Variants in LCORL observed in about 807,000 individuals in gnomAD.
LCORL encodes ligand dependent nuclear receptor corepressor like, also known as ligand-dependent nuclear receptor corepressor-like protein.
A neutral mutation model predicts 141.8 loss-of-function variants in LCORL; 41 were observed. The ratio of observed to expected loss-of-function variants is 0.29; its 90% confidence interval spans 0.23 to 0.38. The LOEUF (loss-of-function observed/expected upper bound fraction) is 0.38. Among genes scored for constraint, LCORL ranks in the 10% least tolerant of loss-of-function variants. The pLI is 1.00. For synonymous variants in LCORL, 618 were observed against 694.1 expected (o/e 0.89, Z 1.72); for missense variants, 1,759 against 2,035.0 (o/e 0.86, Z 2.61).
At position 17,977,000 on chromosome 4, in the gene LCORL, T is replaced by C. The variant is rs1322044884; in HGVS notation, c.155-4115A>G. ...TTTTGATTATTGAGCTCACTAAATC[T>C]GCAGAACTATTTTGATTTCTATGGC... On this transcript the variant is annotated intron_variant, in intron 1 of 7. Transcript: ENST00000635767. Among the ~76,000 whole-genome samples the C allele has an allele frequency of 2.0e-5, 3 of 152,212 alleles. No individual in the cohort carries two copies. The East Asian group carries it at 5.8e-4, about 29-fold the overall frequency.
intron 7 of LCORL, among the ~76,000 whole-genome samples, chr4:17,852,283 GA>G (rs1723828787): frequency 6.6e-6 from 1 of 152,062 alleles, no homozygotes; most frequent in Admixed American, 6.6e-5. Context: ...GTACTCTTGA[GA>G]GTAGAGTTGG....
chr4:17,875,460 G>A, exon 7 of LCORL: 4 of 1,231,300 alleles, frequency 3.2e-6, no homozygotes, highest in Non-Finnish European at 4.1e-6. Context: ...ATATTCAGTT[G>A]GAAAATCACC....
At chr4:17,910,396 T>C (rs558923818) in intron 4 of LCORL, among the ~76,000 whole-genome samples, 9 of 152,272 alleles carry the variant, frequency 5.9e-5, no homozygotes, top group Admixed American at 3.3e-4. Context: ...AGTAGGGATA[T>C]ACTTTTTCCT....
At chr4:17,896,586 T>A (rs1729963043) in intron 5 of LCORL, among the ~76,000 whole-genome samples, 1 of 152,110 alleles carries the variant, frequency 6.6e-6, no homozygotes, top group Admixed American at 6.6e-5. Context: ...CTGGCCTGTG[T>A]TTCTTTTGTA....
At chr4:17,893,300 C>T in intron 5 of LCORL, 1 of 804,712 alleles carries the variant, frequency 1.2e-6, no homozygotes, top group Non-Finnish European at 1.5e-6. Flanking sequence ...AGTTTAAAAC[C>T]TTAGCTCAAG....
At chr4:18,007,977 G>A (rs900657282) in intron 1 of LCORL, among the ~76,000 whole-genome samples, 1 of 152,090 alleles carries the variant, frequency 6.6e-6, no homozygotes. Context: ...AAAAATACAG[G>A]ATTTTACCAA....
chr4:18,000,693 A>G (rs1721809339), intron 1 of LCORL, among the ~76,000 whole-genome samples: 1 of 152,230 alleles, frequency 6.6e-6, no homozygotes, highest in African/African-American at 2.4e-5. Context: ...CCCATTTCAA[A>G]GTTTCCCAAA....
chr4:17,983,714 C>G lies in LCORL; in HGVS notation c.155-10829G>C, dbSNP rs189317733. 2.0e-5 allele frequency among the ~76,000 whole-genome samples: 3 copies of G among 152,224 alleles called. No individual in the cohort carries two copies. In the East Asian group the frequency reaches 5.8e-4, roughly 29 times the overall value. On this transcript the variant is annotated intron_variant, in intron 1 of 7. Transcript: ENST00000635767. The stretch of plus-strand genomic sequence containing the variant: ...ATAGAATGATGTCTATATCATCAGA[C>G]AAGTATAGTTTGACTTCCTCTTTTC...
chr4:18,000,164 T>C (rs1721703772), intron 1 of LCORL, among the ~76,000 whole-genome samples: 1 of 151,004 alleles, frequency 6.6e-6, no homozygotes, highest in African/African-American at 2.4e-5. Context: ...GTGAATGTAT[T>C]AAAAATTCAT....
intron 4 of LCORL, among the ~76,000 whole-genome samples, chr4:17,924,599 C>T (rs780415783): frequency 2.0e-5 from 3 of 152,210 alleles, no homozygotes; most frequent in Non-Finnish European, 4.4e-5. Flanking sequence ...ACAGGTCTGC[C>T]TATCCTGCAC....
chr4:17,844,424 T>A (rs144539130), exon 8 of LCORL: 46 of 152,512 alleles, frequency 3.0e-4, no homozygotes, highest in African/African-American at 9.4e-4. Flanking sequence ...GGCCATTTAC[T>A]TAAGGTGAAA....
At chr4:18,003,139 C>T (rs770996572) in intron 1 of LCORL, among the ~76,000 whole-genome samples, 20 of 152,134 alleles carry the variant, frequency 1.3e-4, no homozygotes, top group African/African-American at 3.1e-4. Flanking sequence ...TCCATATCTC[C>T]GTGCTTTTGT....
chr4:17,869,521 A>G (rs571660531), intron 7 of LCORL, among the ~76,000 whole-genome samples: 84 of 152,098 alleles, frequency 5.5e-4, no homozygotes, highest in African/African-American at 2.0e-3. Flanking sequence ...ACACATTTCC[A>G]TTCACCACAT....
intron 4 of LCORL, among the ~76,000 whole-genome samples, chr4:17,912,669 G>A (rs576522385): frequency 6.6e-6 from 1 of 152,266 alleles, no homozygotes; most frequent in East Asian, 1.9e-4. Context: ...AATGGCCTGA[G>A]GGAGGTGGAG....
At chr4:18,007,083 T>C (rs894217969) in intron 1 of LCORL, among the ~76,000 whole-genome samples, 3 of 152,198 alleles carry the variant, frequency 2.0e-5, no homozygotes, top group African/African-American at 4.8e-5. Context: ...TTGGTCTATC[T>C]TGACATCTCC....
At chr4:18,001,093 C>CCTAG (rs1314407407) in intron 1 of LCORL, among the ~76,000 whole-genome samples, 1 of 152,106 alleles carries the variant, frequency 6.6e-6, no homozygotes. Flanking sequence ...ACTGATTGAA[C>CCTAG]CTAGGTGTTC....
chr4:17,978,433 CA>C (rs1225141409), intron 1 of LCORL, among the ~76,000 whole-genome samples: 1 of 152,026 alleles, frequency 6.6e-6, no homozygotes, highest in Non-Finnish European at 1.5e-5. Context: ...CCCTTCTCTA[CA>C]AAAACATCTA....
chr4:17,976,053 T>C (rs533998846), intron 1 of LCORL, among the ~76,000 whole-genome samples: 1 of 152,190 alleles, frequency 6.6e-6, no homozygotes, highest in Non-Finnish European at 1.5e-5. Context: ...CCTTGTTCTA[T>C]TGTGTCTACT....
chr4:18,020,060 G>A (rs73100949), intron 1 of LCORL, among the ~76,000 whole-genome samples: 11,394 of 151,808 alleles, frequency 0.075, 1,463 homozygotes, highest in African/African-American at 0.26. Context: ...TTTTCGTAAG[G>A]GCAAAACAAA....
Sources: allele counts gnomAD v4.1 joint callset (sites outside exome capture counted in the v4.1 genomes callset), GRCh38; gene constraint gnomAD v4.1.1; transcripts MANE v1.5; gene names NCBI Gene and HGNC (gene_info 2026-07-23, HGNC 2026-07-21).